Variants in TSNARE1 observed in about 807,000 individuals in gnomAD.
TSNARE1 encodes the protein t-SNARE domain containing 1.
In TSNARE1, 49 loss-of-function variants were observed where a neutral mutation model predicts 62.0. The ratio of observed to expected loss-of-function variants is 0.79; its 90% CI spans 0.63 to 1.00. The LOEUF is 1.00. TSNARE1 is among the 50% of genes least tolerant of loss of function. The pLI is 0.00. For missense variants in TSNARE1, 755 were observed against 700.1 expected, an observed-to-expected ratio of 1.08 and a Z score of -0.88; for synonymous variants, 328 against 294.4, an observed-to-expected ratio of 1.11 and a Z score of -1.17.
At chr8:142,296,620 G>A (rs1434830239) in intron 10 of TSNARE1, among the ~76,000 whole-genome samples, 1 of 152,040 alleles carries the variant, frequency 6.6e-6, no homozygotes, top group Non-Finnish European at 1.5e-5. Context: ...CCTTCTGTCA[G>A]GGCAGGGACC....
intron 10 of TSNARE1, among the ~76,000 whole-genome samples, chr8:142,296,860 T>C (rs76238729): frequency 1.2e-3 from 179 of 152,102 alleles, no homozygotes; most frequent in African/African-American, 4.2e-3. Flanking sequence ...GCACCAGGCC[T>C]GGGCGGGGGC....
intron 12 of TSNARE1, among the ~76,000 whole-genome samples, chr8:142,267,963 C>T (rs1819227546): frequency 6.6e-6 from 1 of 152,230 alleles, no homozygotes; most frequent in South Asian, 2.1e-4. Flanking sequence ...CTGACAGGTT[C>T]CTGGTGAAGC....
intron 9 of TSNARE1, among the ~76,000 whole-genome samples, chr8:142,311,730 T>G (rs1827655908): frequency 6.6e-6 from 1 of 152,206 alleles, no homozygotes; most frequent in Admixed American, 6.5e-5. Context: ...TTTCTCTCTC[T>G]CCTGTTCATC....
chr8:142,222,770 ACTCATC>A, intron 13 of TSNARE1, among the ~76,000 whole-genome samples: 1 of 117,264 alleles, frequency 8.5e-6, no homozygotes. Context: ...TCACTCATTC[ACTCATC>A]CACTCACTCA....
intron 12 of TSNARE1, chr8:142,274,172 A>T: frequency 1.0e-6 from 1 of 985,412 alleles, no homozygotes; most frequent in East Asian, 1.1e-4. Context: ...GGGGAGCACC[A>T]GGCCACAATG....
At chr8:142,304,254 C>T (rs991282774) in intron 9 of TSNARE1, among the ~76,000 whole-genome samples, 66 of 152,350 alleles carry the variant, frequency 4.3e-4, no homozygotes, top group Non-Finnish European at 6.8e-4. Context: ...AGGCGCTGGC[C>T]TCGCGCCAAG....
Position 142,313,801 on chromosome 8 carries a change from T to C in TSNARE1, c.1131+583A>G, listed in dbSNP as rs1294796716. 2.6e-5 allele frequency among the ~76,000 whole-genome samples: 4 copies of C among 152,238 alleles called. No homozygotes were observed. The East Asian group carries it at 7.7e-4, about 29-fold the overall frequency. On this transcript the variant is annotated intron_variant, in intron 9 of 13. Transcript: ENST00000524325. Reference sequence around the variant, plus strand: ...TTTTGTTTTTGTTTTTGAGACAGAATCTCACTCTGTCGCCCAGGCTGGAAT... The same window carrying C: ...TTTTGTTTTTGTTTTTGAGACAGAACCTCACTCTGTCGCCCAGGCTGGAAT...
intron 10 of TSNARE1, among the ~76,000 whole-genome samples, chr8:142,288,929 A>G (rs1257220487): frequency 6.6e-6 from 1 of 152,234 alleles, no homozygotes; most frequent in African/African-American, 2.4e-5. Flanking sequence ...CAGCTTCAAG[A>G]GGCTCGGCCA....
In TSNARE1 at chr8:142,222,806, AC is replaced by A. The variant is rs1816452563; in HGVS notation, c.*11+6666del. Among the ~76,000 whole-genome samples, 18 of 76,834 alleles carry A rather than the reference AC, an allele frequency of 2.3e-4. 1 individual carries two copies. Among genetic ancestry groups the A allele is most frequent in the East Asian group, 3.9e-4 (1 of 2,588 alleles). 50.4% of individuals were successfully genotyped at this position (76,834 alleles called of 152,430 possible). ...CACTCACTCACTCATCCACTCACTC[AC>A]TCATTCACTCACTCACTCACTCATT... On this transcript the variant is annotated intron_variant, in intron 13 of 13. Transcript: ENST00000524325.
At chr8:142,380,665 C>T (rs1239322341) in intron 1 of TSNARE1, among the ~76,000 whole-genome samples, 1 of 152,118 alleles carries the variant, frequency 6.6e-6, no homozygotes, top group Non-Finnish European at 1.5e-5. Context: ...GGGGAAACAG[C>T]AAGTGTGGAA....
At chr8:142,258,163 T>C (rs1299100631) in intron 12 of TSNARE1, among the ~76,000 whole-genome samples, 1 of 152,196 alleles carries the variant, frequency 6.6e-6, no homozygotes, top group Non-Finnish European at 1.5e-5. Flanking sequence ...GTACACACGC[T>C]GTATGCACAC....
chr8:142,293,294 C>T (rs905105691), intron 10 of TSNARE1, among the ~76,000 whole-genome samples: 4 of 152,206 alleles, frequency 2.6e-5, no homozygotes, highest in Admixed American at 6.5e-5. Flanking sequence ...ATTCCCGAGG[C>T]AGAGGGCCGG....
At chr8:142,307,828 AC>A (rs532915180) in intron 9 of TSNARE1, among the ~76,000 whole-genome samples, 90 of 152,228 alleles carry the variant, frequency 5.9e-4, no homozygotes, top group African/African-American at 2.1e-3. Context: ...GCAAAGGCAC[AC>A]CCCACCAGTA....
intron 9 of TSNARE1, 27 bp downstream of exon 9, chr8:142,314,357 T>TGACCATGGTCAGTACTCGGCACCCACC: frequency 6.2e-7 from 1 of 1,609,680 alleles, no homozygotes; most frequent in Non-Finnish European, 8.5e-7. Flanking sequence ...TAACAGCCAC[T>TGACCATGGTCAGTACTCGGCACCCACC]GACCATGGTC....
In TSNARE1 at chr8:142,316,484, T is replaced by C. The variant is rs565032091; in HGVS notation, c.985-1392A>G. Among the ~76,000 whole-genome samples, 38 of 151,900 alleles carry C rather than the reference T, an allele frequency of 2.5e-4. 3 individuals carry two copies. The highest frequency in any genetic ancestry group is 8.7e-4 in the African/African-American group (36 of 41,570). On this transcript the variant is annotated intron_variant, in intron 7 of 13. Coordinates refer to ENST00000524325, the MANE Select transcript of TSNARE1 (RefSeq NM_145003.5). ...GTGTAACTAACTTTTGAACTGACTC[T>C]ACTTTTTTAAGTACAAGTTTTATTA...
chr8:142,359,312 G>C (rs904720112), intron 1 of TSNARE1, among the ~76,000 whole-genome samples: 1 of 152,086 alleles, frequency 6.6e-6, no homozygotes, highest in Non-Finnish European at 1.5e-5. Context: ...CTGCCTGAGG[G>C]AGGCTGCACG....
intron 2 of TSNARE1, among the ~76,000 whole-genome samples, chr8:142,353,103 G>A (rs944315496): frequency 9.2e-5 from 14 of 152,202 alleles, no homozygotes; most frequent in African/African-American, 3.4e-4. Flanking sequence ...GTCTCCCGGG[G>A]CTGCCTTCTC....
chr8:142,333,239 C>T (rs1181001263), intron 4 of TSNARE1, among the ~76,000 whole-genome samples: 1 of 152,126 alleles, frequency 6.6e-6, no homozygotes, highest in Non-Finnish European at 1.5e-5. Flanking sequence ...GAAAAGTGAA[C>T]GGCAAGTAAA....
chr8:142,215,467 G>A (rs1206814968), intron 13 of TSNARE1, among the ~76,000 whole-genome samples: 1 of 152,058 alleles, frequency 6.6e-6, no homozygotes, highest in Non-Finnish European at 1.5e-5. Flanking sequence ...CCCCACATGT[G>A]TCCCCCAAGA....
Sources: gnomAD v4.1 joint callset for allele counts (sites outside exome capture counted in the v4.1 genomes callset) on GRCh38, gnomAD v4.1.1 for gene constraint, MANE v1.5 for transcripts, NCBI Gene and HGNC (gene_info 2026-07-23, HGNC 2026-07-21) for gene names.